PPP2R5C: variants seen among roughly 807,000 people sequenced by gnomAD.
The protein encoded by PPP2R5C is protein phosphatase 2 regulatory subunit B'gamma.
A neutral mutation model predicts 68.9 loss-of-function variants in PPP2R5C; 7 were observed. The observed-to-expected ratio is 0.10, with a 90% CI of 0.06 to 0.19. The LOEUF (loss-of-function observed/expected upper bound fraction) is 0.19. Among genes scored for constraint, PPP2R5C ranks in the 10% least tolerant of loss-of-function variants. The pLI is 1.00. For missense variants in PPP2R5C, 348 were observed against 641.3 expected, an observed-to-expected ratio of 0.54 and a Z score of 4.94; for synonymous variants, 210 against 222.2, an observed-to-expected ratio of 0.95 and a Z score of 0.49.
rs2039747487 is a variant in PPP2R5C at position 101,816,927 on chromosome 14, A to AC, written c.94+6891_94+6892insC. On this transcript the variant is annotated intron_variant, in intron 1 of 13. Transcript: ENST00000334743. ...ATATATATAATATATATATTTATAT[A>AC]ATATATATAATATAAAAATATTATA... 2.1e-5 allele frequency among the ~76,000 whole-genome samples: 3 copies of AC among 140,756 alleles called. No homozygotes were observed. In the South Asian group the frequency reaches 6.4e-4, roughly 30 times the overall value. 92.3% of individuals were successfully genotyped at this position (140,756 alleles called of 152,430 possible).
At chr14:101,921,549 G>C (rs559385239) in intron 13 of PPP2R5C, among the ~76,000 whole-genome samples, 1 of 151,944 alleles carries the variant, frequency 6.6e-6, no homozygotes, top group South Asian at 2.1e-4. Flanking sequence ...AAGGTACCGG[G>C]ATGCAGGAAA....
intron 13 of PPP2R5C, 61 bp downstream of exon 15, chr14:101,918,008 T>G: frequency 6.2e-7 from 1 of 1,608,136 alleles, no homozygotes; most frequent in Non-Finnish European, 8.5e-7. Context: ...AATGCACATT[T>G]TTGTAGGCGA....
intron 13 of PPP2R5C, chr14:101,922,057 C>T: frequency 1.0e-6 from 1 of 985,196 alleles, no homozygotes; most frequent in Non-Finnish European, 1.2e-6. Flanking sequence ...GCAGTGCAGG[C>T]TCTCATTACT....
At chr14:101,829,513 C>T (rs2040606696) in intron 1 of PPP2R5C, among the ~76,000 whole-genome samples, 1 of 152,170 alleles carries the variant, frequency 6.6e-6, no homozygotes, top group Non-Finnish European at 1.5e-5. Flanking sequence ...TTCTTAGTTT[C>T]CTGAAGTAAT....
chr14:101,837,271 G>A (rs1180533188), intron 1 of PPP2R5C, among the ~76,000 whole-genome samples: 4 of 152,052 alleles, frequency 2.6e-5, no homozygotes, highest in African/African-American at 4.8e-5. Flanking sequence ...AGCCTCCCAA[G>A]TAGCTGGGAT....
At chr14:101,801,732 A>G (rs2038868981) in intron 3 of PPP2R5C, among the ~76,000 whole-genome samples, 1 of 152,382 alleles carries the variant, frequency 6.6e-6, no homozygotes, top group South Asian at 2.1e-4. Context: ...ATGGTTTGGA[A>G]GACTTAATGT....
chr14:101,853,880 G>A (rs1049175016), intron 1 of PPP2R5C, among the ~76,000 whole-genome samples: 1 of 152,090 alleles, frequency 6.6e-6, no homozygotes, highest in Non-Finnish European at 1.5e-5. Context: ...TAGGGAGAAC[G>A]GTGGACTCTC....
At chr14:101,811,402 A>G (rs2039351935) in intron 1 of PPP2R5C, among the ~76,000 whole-genome samples, 1 of 152,310 alleles carries the variant, frequency 6.6e-6, no homozygotes, top group Admixed American at 6.5e-5. Context: ...GTACAGTGGT[A>G]TGATCACAGC....
intron 2 of PPP2R5C, among the ~76,000 whole-genome samples, chr14:101,860,531 C>T (rs1235699527): frequency 3.3e-5 from 5 of 152,094 alleles, no homozygotes; most frequent in East Asian, 1.9e-4. Flanking sequence ...CGTGTGTTTT[C>T]GTATCTCTTG....
chr14:101,813,246 CG>C lies in PPP2R5C; in HGVS notation c.94+3211del, dbSNP rs1462986395. ...TGGCTAGGATATTGGACAGCACAGT[CG>C]TAGACTGGAATTGTTCGACTTTTTT... On this transcript the variant is annotated intron_variant, in intron 1 of 13. Coordinates refer to ENST00000334743, the Ensembl canonical transcript of PPP2R5C. 3.3e-5 allele frequency among the ~76,000 whole-genome samples: 5 copies of C among 152,312 alleles called. No homozygotes were observed. In the South Asian group the frequency reaches 1.0e-3, roughly 32 times the overall value.
At chr14:101,848,537 C>CAAAAA (rs534732392) in intron 1 of PPP2R5C, among the ~76,000 whole-genome samples, 2 of 136,820 alleles carry the variant, frequency 1.5e-5, no homozygotes, top group Non-Finnish European at 3.2e-5. Flanking sequence ...GACTCTGTCT[C>CAAAAA]AAAAAAAAAA....
At chr14:101,839,887 C>T (rs866615185) in intron 1 of PPP2R5C, among the ~76,000 whole-genome samples, 21 of 151,920 alleles carry the variant, frequency 1.4e-4, no homozygotes, top group Non-Finnish European at 2.1e-4. Context: ...TGCGCTCGTC[C>T]GCACACACTC....
At chr14:101,815,501 G>A (rs1231471917) in intron 1 of PPP2R5C, among the ~76,000 whole-genome samples, 1 of 152,162 alleles carries the variant, frequency 6.6e-6, no homozygotes, top group Non-Finnish European at 1.5e-5. Flanking sequence ...CTGCCAGCTA[G>A]TAACTGTTGA....
intron 2 of PPP2R5C, among the ~76,000 whole-genome samples, chr14:101,773,140 G>A (rs1362866585): frequency 6.6e-6 from 1 of 152,192 alleles, no homozygotes; most frequent in East Asian, 1.9e-4. Context: ...ACCATTGCGG[G>A]TGCAGAGTTC....
chr14:101,825,197 AAG>A lies in PPP2R5C; in HGVS notation c.94+15164_94+15165del, dbSNP rs1383878028. Among the ~76,000 whole-genome samples the A allele has an allele frequency of 7.1e-6, 1 of 141,314 alleles. No homozygotes were observed. The highest frequency in any genetic ancestry group is 1.5e-5 in the Non-Finnish European group (1 of 65,932). 92.7% of individuals were successfully genotyped at this position (141,314 alleles called of 152,430 possible). On this transcript the variant is annotated intron_variant, in intron 1 of 13. Coordinates refer to ENST00000334743, the Ensembl canonical transcript of PPP2R5C. The surrounding 1 kb of genome is among the most constrained non-coding windows in gnomAD (Gnocchi z 4.0). Reference sequence around the variant, plus strand: ...GATACTTTTGGCAGAGGGATAGGATAAGAGGGTTTTCAGCGTGTGTGTGTGTG... The same window carrying A: ...GATACTTTTGGCAGAGGGATAGGATAAGGGTTTTCAGCGTGTGTGTGTGTG...
intron 7 of PPP2R5C, 35 bp from the exon 10 acceptor site, chr14:101,894,472 G>A: frequency 6.3e-7 from 1 of 1,599,066 alleles, no homozygotes; most frequent in Non-Finnish European, 8.6e-7. Context: ...TTTTTATGTT[G>A]AAATGTTAAT....
intron 13 of PPP2R5C, among the ~76,000 whole-genome samples, chr14:101,923,307 C>G (rs2047114202): frequency 6.6e-6 from 1 of 152,234 alleles, no homozygotes; most frequent in African/African-American, 2.4e-5. Flanking sequence ...TTTGCATTCA[C>G]TGGTTCCAGC....
chr14:101,888,632 C>T lies in PPP2R5C; in HGVS notation c.630-1605C>T, dbSNP rs1338051103. 6.6e-6 allele frequency among the ~76,000 whole-genome samples: 1 copy of T among 152,112 alleles called. No homozygotes were observed. Among genetic ancestry groups the T allele is most frequent in the Non-Finnish European group, 1.5e-5 (1 of 68,036 alleles). On this transcript the variant is annotated intron_variant, in intron 5 of 13. Coordinates refer to ENST00000334743, the Ensembl canonical transcript of PPP2R5C. The surrounding 1 kb of genome is among the most constrained non-coding windows in gnomAD (Gnocchi z 5.6). ...TTGTTTTGAAACAGGGTCTCTGTTGCCCAGGCTGGAATGCAGTGGCGCCAT... is the reference window on the plus strand; with the variant it reads ...TTGTTTTGAAACAGGGTCTCTGTTGTCCAGGCTGGAATGCAGTGGCGCCAT...
At chr14:101,881,631 G>A (rs1300177899) in intron 2 of PPP2R5C, among the ~76,000 whole-genome samples, 1 of 152,174 alleles carries the variant, frequency 6.6e-6, no homozygotes, top group East Asian at 1.9e-4. Context: ...GATCTTAGCT[G>A]CCGACTCAAA....
Sources: allele counts gnomAD v4.1 joint callset (sites outside exome capture counted in the v4.1 genomes callset), GRCh38; gene constraint gnomAD v4.1.1; non-coding constraint Gnocchi (gnomAD v3.1); transcripts MANE v1.5; gene names NCBI Gene and HGNC (gene_info 2026-07-23, HGNC 2026-07-21).